The following TMEM74 variants were observed in gnomAD, a reference collection of about 807,000 sequenced individuals.
The protein encoded by TMEM74 is transmembrane protein 74.
TMEM74 carries 13 observed loss-of-function variants against 18.1 expected under a neutral mutation model. The observed-to-expected ratio is 0.72, with a 90% CI of 0.47 to 1.14. The LOEUF (loss-of-function observed/expected upper bound fraction) is 1.14, where lower values mean the gene tolerates loss of function less well. TMEM74 is among the 50% of genes most tolerant of loss of function. TMEM74 has a pLI of 0.00. For missense variants in TMEM74, 372 were observed against 375.9 expected, an observed-to-expected ratio of 0.99 and a Z score of 0.09; for synonymous variants, 159 against 146.6, an observed-to-expected ratio of 1.08 and a Z score of -0.61.
chr8:108,617,696 A>G (rs1812398843), intron 2 of TMEM74, among the ~76,000 whole-genome samples: 1 of 152,156 alleles, frequency 6.6e-6, no homozygotes, highest in Non-Finnish European at 1.5e-5. Flanking sequence ...TGAATGGAAT[A>G]TAAGGAGCCC....
intron 1 of TMEM74, among the ~76,000 whole-genome samples, chr8:108,669,431 C>A (rs1812981149): frequency 6.6e-6 from 1 of 152,098 alleles, no homozygotes; most frequent in South Asian, 2.1e-4. Context: ...CTTTCACCTT[C>A]TATTCTGGGC....
At chr8:108,769,720 C>G (rs1814150182) in intron 1 of TMEM74, among the ~76,000 whole-genome samples, 1 of 152,084 alleles carries the variant, frequency 6.6e-6, no homozygotes, top group South Asian at 2.1e-4. Context: ...GCTTCTCTCT[C>G]TACTACTTTC....
intron 1 of TMEM74, among the ~76,000 whole-genome samples, chr8:108,755,382 G>A (rs1181428390): frequency 3.9e-5 from 6 of 152,144 alleles, no homozygotes; most frequent in South Asian, 2.1e-4. Context: ...AATGTATATC[G>A]CTTTCAGCTG....
chr8:108,717,837 T>C (rs1378624397), intron 1 of TMEM74, among the ~76,000 whole-genome samples: 2 of 150,864 alleles, frequency 1.3e-5, no homozygotes, highest in African/African-American at 2.4e-5. Context: ...TGAGAGGTGG[T>C]GAACTGGTTG....
At chr8:108,757,897 G>A (rs1197543508) in intron 1 of TMEM74, among the ~76,000 whole-genome samples, 2 of 151,972 alleles carry the variant, frequency 1.3e-5, no homozygotes, top group Non-Finnish European at 2.9e-5. Context: ...ATGTCCTGAA[G>A]TCTGCATCTT....
intron 1 of TMEM74, among the ~76,000 whole-genome samples, chr8:108,756,589 A>T (rs1302761485): frequency 8.5e-6 from 1 of 117,496 alleles, no homozygotes; most frequent in Non-Finnish European, 1.7e-5. Context: ...AGAAAGAAAG[A>T]AAGAAAGAGA....
chr8:108,711,982 G>T (rs1006826510), intron 1 of TMEM74, among the ~76,000 whole-genome samples: 1 of 152,014 alleles, frequency 6.6e-6, no homozygotes, highest in Non-Finnish European at 1.5e-5. Flanking sequence ...GGGAAGCTTG[G>T]TAATGTAAGA....
At chr8:108,631,032 T>G (rs1181600970) in intron 2 of TMEM74, among the ~76,000 whole-genome samples, 2 of 152,010 alleles carry the variant, frequency 1.3e-5, no homozygotes, top group Non-Finnish European at 2.9e-5. Context: ...TCACTTCATG[T>G]GCACATCTTT....
chr8:108,751,092 TTAGAGTC>T (rs1388060045), intron 1 of TMEM74, among the ~76,000 whole-genome samples: 4 of 152,092 alleles, frequency 2.6e-5, no homozygotes, highest in Admixed American at 6.6e-5. Flanking sequence ...TTCATGGACT[TTAGAGTC>T]TAGCAAAAAA....
At chr8:108,694,624 A>G (rs971784094) in intron 1 of TMEM74, among the ~76,000 whole-genome samples, 6 of 152,214 alleles carry the variant, frequency 3.9e-5, no homozygotes, top group African/African-American at 1.4e-4. Flanking sequence ...CAGAAAGAGA[A>G]GGCTCGCTGT....
intron 1 of TMEM74, among the ~76,000 whole-genome samples, chr8:108,690,928 T>C (rs1813221479): frequency 6.6e-6 from 1 of 152,208 alleles, no homozygotes. Context: ...TTTGCAAGGA[T>C]AGCAGGAGCT....
intron 1 of TMEM74, among the ~76,000 whole-genome samples, chr8:108,748,782 G>A (rs1813876963): frequency 6.6e-6 from 1 of 151,524 alleles, no homozygotes; most frequent in South Asian, 2.1e-4. Flanking sequence ...TATGGTATAA[G>A]AAAGGGTTCC....
intron 1 of TMEM74, among the ~76,000 whole-genome samples, chr8:108,785,579 AG>A (rs1433365750): frequency 6.6e-6 from 1 of 152,234 alleles, no homozygotes; most frequent in Non-Finnish European, 1.5e-5. Context: ...TTGTTAATTC[AG>A]TAAGATTGTA....
chr8:108,659,124 A>G (rs1287504601), intron 1 of TMEM74, among the ~76,000 whole-genome samples: 1 of 152,198 alleles, frequency 6.6e-6, no homozygotes, highest in African/African-American at 2.4e-5. Flanking sequence ...AAGTAATTTA[A>G]CATTTAATAT....
chr8:108,658,808 A>G (rs557822337), intron 1 of TMEM74, among the ~76,000 whole-genome samples: 4 of 152,340 alleles, frequency 2.6e-5, no homozygotes, highest in Admixed American at 2.6e-4. Flanking sequence ...AAAGATTAGA[A>G]AAACATAGGT....
intron 1 of TMEM74, among the ~76,000 whole-genome samples, chr8:108,699,187 C>CCTTCCTTCCTTCCTTCATTCCTT (rs1563529302): frequency 1.5e-5 from 1 of 68,792 alleles, no homozygotes; most frequent in Non-Finnish European, 2.6e-5. Flanking sequence ...CTTCCTTCCT[C>CCTTCCTTCCTTCCTTCATTCCTT]CCTCCCTCCC....
intron 1 of TMEM74, among the ~76,000 whole-genome samples, chr8:108,740,010 G>A (rs1813784555): frequency 1.3e-5 from 2 of 152,124 alleles, no homozygotes; most frequent in Admixed American, 1.3e-4. Flanking sequence ...GTGAGAATGT[G>A]GGGGTCAAAA....
intron 1 of TMEM74, among the ~76,000 whole-genome samples, chr8:108,695,074 T>G (rs569814904): frequency 6.6e-6 from 1 of 151,878 alleles, no homozygotes; most frequent in African/African-American, 2.4e-5. Context: ...TCTGGATGAG[T>G]TGGGGGCCTG....
chr8:108,709,128 A>G (rs1288622255), intron 1 of TMEM74, among the ~76,000 whole-genome samples: 1 of 152,146 alleles, frequency 6.6e-6, no homozygotes, highest in African/African-American at 2.4e-5. Flanking sequence ...GATGTTCCAC[A>G]AAAATGTAAA....
Sources: gnomAD v4.1 joint callset for allele counts (sites outside exome capture counted in the v4.1 genomes callset) on GRCh38, gnomAD v4.1.1 for gene constraint, MANE v1.5 for transcripts, NCBI Gene and HGNC (gene_info 2026-07-23, HGNC 2026-07-21) for gene names.